The following CCNI variants were observed in gnomAD, a reference collection of about 807,000 sequenced individuals.
CCNI encodes cyclin I.
A neutral mutation model predicts 34.1 loss-of-function variants in CCNI; 14 were observed. The observed-to-expected ratio is 0.41, with a 90% CI of 0.27 to 0.64. The LOEUF (loss-of-function observed/expected upper bound fraction) is 0.64. CCNI is among the 30% of genes least tolerant of loss of function. CCNI has a pLI of 0.31. For missense variants in CCNI, 385 were observed against 440.5 expected, an observed-to-expected ratio of 0.87 and a Z score of 1.13; for synonymous variants, 154 against 158.4, an observed-to-expected ratio of 0.97 and a Z score of 0.21.
intron 2 of CCNI, among the ~76,000 whole-genome samples, chr4:77,065,822 G>A (rs1455572000): frequency 2.6e-5 from 4 of 152,154 alleles, no homozygotes; most frequent in African/African-American, 4.8e-5. Flanking sequence ...AGAAGAGGCC[G>A]GGCATGGTGG....
chr4:77,061,915 C>G lies in CCNI; in HGVS notation c.115-3280G>C, dbSNP rs189503436. Among the ~76,000 whole-genome samples the G allele has an allele frequency of 3.3e-5, 5 of 152,228 alleles. No individual in the cohort carries two copies. In the East Asian group the frequency reaches 9.7e-4, roughly 29 times the overall value. ...CGATCTCCTGACCTTGTGATCCACC[C>G]GCCTCGGCCTCCCAAAGTGTTGAGA... is the stretch of plus-strand genomic sequence containing the variant. On this transcript the variant is annotated intron_variant, in intron 2 of 6. Transcript: ENST00000237654.
intron 2 of CCNI, among the ~76,000 whole-genome samples, chr4:77,065,599 A>G (rs764791415): frequency 2.6e-5 from 4 of 152,234 alleles, no homozygotes; most frequent in African/African-American, 4.8e-5. Context: ...ACTAAAGACA[A>G]TGGTATGAAG....
chr4:77,051,496 G>C (rs1046050004), intron 6 of CCNI, among the ~76,000 whole-genome samples: 6 of 147,570 alleles, frequency 4.1e-5, no homozygotes, highest in Non-Finnish European at 5.9e-5. Context: ...AGAAATGATA[G>C]AGCTAAAAGA....
chr4:77,048,832 A>T (rs74753956), intron 6 of CCNI, among the ~76,000 whole-genome samples, 170 bp from the exon 7 acceptor site: 5,353 of 152,206 alleles, frequency 0.035, 123 homozygotes, highest in East Asian at 0.085. Context: ...CCATCCATCA[A>T]CATCATCTTA....
chr4:77,061,508 T>C (rs1728602544), intron 2 of CCNI, among the ~76,000 whole-genome samples: 1 of 152,188 alleles, frequency 6.6e-6, no homozygotes, highest in South Asian at 2.1e-4. Context: ...TATTAATATA[T>C]ATTCTGTATA....
At chr4:77,056,572 G>T in intron 3 of CCNI, 3 of 409,408 alleles carry the variant, frequency 7.3e-6, no homozygotes, top group East Asian at 4.2e-5. Flanking sequence ...AAGATCAAGT[G>T]TGTCTAGAGC....
intron 2 of CCNI, among the ~76,000 whole-genome samples, chr4:77,062,019 C>T (rs1728641378): frequency 6.6e-6 from 1 of 152,134 alleles, no homozygotes; most frequent in South Asian, 2.1e-4. Context: ...CTGTCTTAAA[C>T]TTCATGCTGT....
chr4:77,056,125 G>C (rs757264470), intron 4 of CCNI, 23 bp from the exon 5 acceptor site: 1 of 1,609,644 alleles, frequency 6.2e-7, no homozygotes, highest in Admixed American at 1.7e-5. Flanking sequence ...AAGGGGAACA[G>C]GGACAGGGAG....
rs4252873 is a variant in CCNI, at chr4:77,058,670, G to T, written c.115-35C>A. 4.8e-5 allele frequency: 77 copies of T among 1,593,010 alleles called. No individual in the cohort carries two copies. The African/African-American group carries it at 9.0e-4, about 19-fold the overall frequency. The stretch of plus-strand genomic sequence containing the variant: ...AACAATTTTGAAAACAGAAGACAAA[G>T]TTTGAGCTATCATCAAGAGTATGTT... On this transcript the variant is annotated intron_variant, in intron 2 of 6. Coordinates refer to ENST00000237654, the MANE Select transcript of CCNI (RefSeq NM_006835.3).
intron 1 of CCNI, among the ~76,000 whole-genome samples, chr4:77,072,071 G>T (rs1353925072): frequency 6.6e-6 from 1 of 151,974 alleles, no homozygotes; most frequent in African/African-American, 2.4e-5. Flanking sequence ...GAAAACTACA[G>T]ATTAGTATTT....
intron 1 of CCNI, among the ~76,000 whole-genome samples, chr4:77,073,171 T>TA (rs1461922322): frequency 6.6e-6 from 1 of 152,352 alleles, no homozygotes; most frequent in Non-Finnish European, 1.5e-5. Context: ...AAGACTATTT[T>TA]AGTTGGCATA....
At chr4:77,061,721 G>A (rs1435200048) in intron 2 of CCNI, among the ~76,000 whole-genome samples, 1 of 152,158 alleles carries the variant, frequency 6.6e-6, no homozygotes, top group Non-Finnish European at 1.5e-5. Context: ...CCAGGCTGGA[G>A]TGCAGTGGCG....
Position 77,055,243 on chromosome 4 carries a change from T to C in CCNI, c.597A>G (p.Gly199=). 1 of 1,614,108 alleles carries C rather than the reference T, an allele frequency of 6.2e-7. No individual in the cohort carries two copies. The highest frequency in any genetic ancestry group is 8.5e-7 in the Non-Finnish European group (1 of 1,179,950). ...MACNQLLQFR[G]SMLALAMVSL... is the part of the protein sequence containing the mutation. ...TAACCATGGCCAGAGCAAGCATGGA[T>C]CCTCTGAATTGCAGAAGTTGGTTGC... Residue 199 remains glycine (G), a synonymous_variant, in exon 6 of 7, where the codon GGA becomes GGG. Transcript: ENST00000237654.
chr4:77,056,333 T>G lies in CCNI; in HGVS notation c.244-10A>C, dbSNP rs1297477200. The stretch of plus-strand genomic sequence containing the variant: ...AGTATTTTGGATGAGCCTAAAATTT[T>G]GAAGAGGGAAAAAGCAACTTTAGTG... On this transcript the variant is annotated splice_polypyrimidine_tract_variant and intron_variant, in intron 3 of 6. Transcript: ENST00000237654. 1 of 1,605,926 alleles carries G rather than the reference T, an allele frequency of 6.2e-7. No homozygotes were observed. The highest frequency in any genetic ancestry group is 1.7e-4 in the Middle Eastern group (1 of 6,038).
chr4:77,049,867 T>C (rs1727711864), intron 6 of CCNI, among the ~76,000 whole-genome samples: 1 of 152,180 alleles, frequency 6.6e-6, no homozygotes, highest in South Asian at 2.1e-4. Flanking sequence ...CTTTAAATTA[T>C]TACCTGTAGT....
At chr4:77,074,773 G>C (rs987306930) in intron 1 of CCNI, 3 of 152,230 alleles carry the variant, frequency 2.0e-5, no homozygotes, top group Non-Finnish European at 4.4e-5. Context: ...CCCCTTCAGA[G>C]TCTGAATCCA....
In CCNI at chr4:77,075,446, C is replaced by CCCCCGT. The variant is rs1368681233; in HGVS notation, c.-44+25_-44+26insACGGGG. The CCCCCGT allele has an allele frequency of 4.1e-6, 3 of 728,458 alleles. No homozygotes were observed. In the African/African-American group the frequency reaches 6.1e-5, roughly 15 times the overall value. The allele number at this position is 728,458 out of a possible 1,614,324, so 45.1% of individuals were successfully genotyped here. On this transcript the variant is annotated intron_variant, in intron 1 of 6. Coordinates refer to ENST00000237654, the MANE Select transcript of CCNI (RefSeq NM_006835.3). ...ACGCCGGCCGCGGAGACGCGTCGAGCCCCCGCCCCCGCCCCCGCCCCTCAC... is the reference window on the plus strand; with the variant it reads ...ACGCCGGCCGCGGAGACGCGTCGAGCCCCCGTCCCCGCCCCCGCCCCCGCCCCTCAC...
Position 77,048,357 on chromosome 4 carries a change from G to A in CCNI, c.996C>T (p.Asp332=). The A allele has an allele frequency of 1.2e-6, 2 of 1,613,184 alleles. No homozygotes were observed. Among genetic ancestry groups the A allele is most frequent in the Non-Finnish European group, 1.7e-6 (2 of 1,179,412 alleles). The change falls in exon 7 of 7, where the codon GAC becomes GAT. Residue 332 remains aspartate, a synonymous_variant. Transcript: ENST00000237654. ...KRKVEEMEVD[D]FYDGIKRLYN... is the part of the protein sequence containing the mutation. ...AGAGCCGTTTGATTCCATCATAGAA[G>A]TCATCCACTTCCATTTCCTCTACTT...
intron 2 of CCNI, among the ~76,000 whole-genome samples, chr4:77,063,646 C>T (rs1244909888): frequency 1.3e-4 from 19 of 150,066 alleles, no homozygotes; most frequent in Non-Finnish European, 2.2e-4. Flanking sequence ...GCCAAGATCG[C>T]GCCAGTGCAC....
Sources: gnomAD v4.1 joint callset for allele counts (sites outside exome capture counted in the v4.1 genomes callset) on GRCh38, gnomAD v4.1.1 for gene constraint, MANE v1.5 for transcripts, NCBI Gene and HGNC (gene_info 2026-07-23, HGNC 2026-07-21) for gene names.